The following DGKB variants were observed in gnomAD, a reference collection of about 807,000 sequenced individuals.
DGKB encodes diacylglycerol kinase beta.
A neutral mutation model predicts 114.3 loss-of-function variants in DGKB; 67 were observed. The ratio of observed to expected loss-of-function variants is 0.59; its 90% confidence interval spans 0.48 to 0.72. DGKB has a LOEUF of 0.72. DGKB is among the 30% of genes least tolerant of loss of function. The probability of loss-of-function intolerance (pLI) is 0.00; values close to 1 mark genes in which losing one functional copy is unlikely to be tolerated. For missense variants in DGKB, 907 were observed against 975.2 expected, an observed-to-expected ratio of 0.93 and a Z score of 0.93; for synonymous variants, 398 against 323.1, an observed-to-expected ratio of 1.23 and a Z score of -2.49.
At chr7:14,676,107 T>C (rs1336410775) in intron 12 of DGKB, among the ~76,000 whole-genome samples, 2 of 152,108 alleles carry the variant, frequency 1.3e-5, no homozygotes, top group Non-Finnish European at 2.9e-5. Context: ...TTAAAATTGC[T>C]CTAAATCATA....
intron 21 of DGKB, among the ~76,000 whole-genome samples, chr7:14,466,627 T>G (rs1027161567): frequency 7.0e-5 from 10 of 142,640 alleles, no homozygotes; most frequent in African/African-American, 2.4e-4. Context: ...TCAATAAATC[T>G]TTGTTGAATG....
intron 23 of DGKB, among the ~76,000 whole-genome samples, chr7:14,250,850 C>T (rs1057073460): frequency 7.9e-5 from 12 of 152,176 alleles, no homozygotes; most frequent in Non-Finnish European, 1.6e-4. Context: ...TTTATATCCT[C>T]TTGATGAATT....
intron 20 of DGKB, among the ~76,000 whole-genome samples, chr7:14,478,524 T>C (rs866513236): frequency 1.3e-5 from 2 of 152,176 alleles, no homozygotes; most frequent in Non-Finnish European, 2.9e-5. Context: ...TTTGGCCTCA[T>C]GTTCAACGTA....
chr7:14,625,025 A>T (rs1808325844), intron 14 of DGKB, among the ~76,000 whole-genome samples: 1 of 151,938 alleles, frequency 6.6e-6, no homozygotes, highest in Non-Finnish European at 1.5e-5. Context: ...ATAAATAAAA[A>T]CAAATTTTAA....
intron 21 of DGKB, among the ~76,000 whole-genome samples, chr7:14,441,375 T>C (rs1356205853): frequency 6.6e-6 from 1 of 152,162 alleles, no homozygotes; most frequent in Non-Finnish European, 1.5e-5. Context: ...GTTCTTTTCA[T>C]ATTCCAAATA....
intron 23 of DGKB, among the ~76,000 whole-genome samples, chr7:14,309,672 G>A (rs1805046958): frequency 6.6e-6 from 1 of 152,186 alleles, no homozygotes; most frequent in Non-Finnish European, 1.5e-5. Flanking sequence ...AAGTCATACA[G>A]AGGCTGACAA....
chr7:14,878,907 T>C (rs1039405139), intron 1 of DGKB, among the ~76,000 whole-genome samples: 1 of 152,078 alleles, frequency 6.6e-6, no homozygotes, highest in African/African-American at 2.4e-5. Context: ...AGGCTATAGG[T>C]TACAAGATCT....
intron 23 of DGKB, among the ~76,000 whole-genome samples, chr7:14,313,472 G>C (rs7787200): frequency 8.5e-5 from 13 of 152,078 alleles, no homozygotes; most frequent in African/African-American, 2.7e-4. Flanking sequence ...AAGCGCAAGG[G>C]GTCAGGGAGT....
chr7:14,794,831 T>C (rs1034148101), intron 2 of DGKB, among the ~76,000 whole-genome samples: 1 of 152,146 alleles, frequency 6.6e-6, no homozygotes, highest in Non-Finnish European at 1.5e-5. Context: ...TGAGTCTTCA[T>C]TACCAGTAAA....
chr7:14,536,203 G>A (rs1306362868), intron 20 of DGKB, among the ~76,000 whole-genome samples: 2 of 152,020 alleles, frequency 1.3e-5, no homozygotes, highest in African/African-American at 2.4e-5. Context: ...TGGCTTCACA[G>A]GTGAATTTTA....
chr7:14,421,225 T>G (rs1003029049), intron 21 of DGKB, among the ~76,000 whole-genome samples: 4 of 152,108 alleles, frequency 2.6e-5, no homozygotes, highest in African/African-American at 9.7e-5. Context: ...TTCACCTTAA[T>G]AAATCTATGT....
At chr7:14,836,625 C>T (rs1847204453) in intron 2 of DGKB, among the ~76,000 whole-genome samples, 1 of 152,124 alleles carries the variant, frequency 6.6e-6, no homozygotes, top group Non-Finnish European at 1.5e-5. Flanking sequence ...GCTTTCTATC[C>T]TATAACAACA....
At chr7:14,741,812 T>C (rs1219272668) in intron 4 of DGKB, among the ~76,000 whole-genome samples, 1 of 152,198 alleles carries the variant, frequency 6.6e-6, no homozygotes, top group African/African-American at 2.4e-5. Context: ...AAGCCAGAAA[T>C]ATGAGTCATC....
At chr7:14,159,248 C>T (rs1783495665) in intron 25 of DGKB, among the ~76,000 whole-genome samples, 1 of 152,098 alleles carries the variant, frequency 6.6e-6, no homozygotes, top group Non-Finnish European at 1.5e-5. Context: ...GGTTCCTTCC[C>T]ACACTGTACT....
chr7:14,317,566 T>C (rs1194176336), intron 23 of DGKB, among the ~76,000 whole-genome samples: 1 of 150,504 alleles, frequency 6.6e-6, no homozygotes, highest in Non-Finnish European at 1.5e-5. Flanking sequence ...GACCTAGGAA[T>C]CCAACTTACA....
At chr7:14,176,730 G>T (rs1781794817) in intron 25 of DGKB, 109 bp downstream of exon 25, 1 of 1,514,972 alleles carries the variant, frequency 6.6e-7, no homozygotes, top group Non-Finnish European at 8.8e-7. Context: ...AAGACTATTT[G>T]CTGATAGGTT....
At chr7:14,745,367 C>G (rs575532752) in intron 4 of DGKB, among the ~76,000 whole-genome samples, 2 of 152,294 alleles carry the variant, frequency 1.3e-5, no homozygotes, top group East Asian at 3.9e-4. Context: ...CAGTTAAGAT[C>G]AGTCTTCGTC....
chr7:14,286,787 A>T (rs1040591296), intron 23 of DGKB, among the ~76,000 whole-genome samples: 1 of 152,134 alleles, frequency 6.6e-6, no homozygotes, highest in Non-Finnish European at 1.5e-5. Context: ...TAAGCATATT[A>T]TAACTTAACA....
intron 20 of DGKB, among the ~76,000 whole-genome samples, chr7:14,556,726 A>T (rs931680044): frequency 6.6e-6 from 1 of 152,106 alleles, no homozygotes; most frequent in Non-Finnish European, 1.5e-5. Flanking sequence ...TAGACATACT[A>T]CTTGAATTTA....
Sources: gnomAD v4.1 joint callset for allele counts (sites outside exome capture counted in the v4.1 genomes callset) on GRCh38, gnomAD v4.1.1 for gene constraint, MANE v1.5 for transcripts, NCBI Gene and HGNC (gene_info 2026-07-23, HGNC 2026-07-21) for gene names.